The following BTD variants were observed in gnomAD, a reference collection of about 807,000 sequenced individuals.
BTD encodes the protein biocytinase.
In BTD, 13 loss-of-function variants were observed where a neutral mutation model predicts 17.7. The ratio of observed to expected loss-of-function variants is 0.74; its 90% confidence interval spans 0.48 to 1.17. The LOEUF is 1.17. Ranked by LOEUF, BTD falls within the 50% of genes most tolerant of loss-of-function variation. The pLI is 0.00. For missense variants in BTD, 674 were observed against 650.4 expected (o/e 1.04, Z -0.39); for synonymous variants, 240 against 245.2 (o/e 0.98, Z 0.20).
chr3:15,685,314 G>A, intron 3 of BTD: 2 of 1,613,966 alleles, frequency 1.2e-6, no homozygotes, highest in East Asian at 2.2e-5. Flanking sequence ...ACTGCAAAAG[G>A]GCTCCAAGAA....
chr3:15,706,173 G>A (rs1247375723), intron 3 of BTD, among the ~76,000 whole-genome samples: 1 of 151,752 alleles, frequency 6.6e-6, no homozygotes, highest in Non-Finnish European at 1.5e-5. Flanking sequence ...CATGTGCCAC[G>A]TTGGTGTGCT....
chr3:15,662,234 C>A (rs992462904), intron 3 of BTD, among the ~76,000 whole-genome samples: 1 of 152,176 alleles, frequency 6.6e-6, no homozygotes, highest in Non-Finnish European at 1.5e-5. Flanking sequence ...TAAAAATAGT[C>A]TTTTTATTCA....
downstream of BTD, among the ~76,000 whole-genome samples, chr3:15,716,219 T>C (rs2073013015): frequency 6.6e-6 from 1 of 151,486 alleles, no homozygotes; most frequent in East Asian, 1.9e-4. Flanking sequence ...AGACCTCAAG[T>C]AATCCACCCG....
chr3:15,660,640 T>C (rs890372146), intron 3 of BTD, among the ~76,000 whole-genome samples: 1 of 152,252 alleles, frequency 6.6e-6, no homozygotes, highest in Admixed American at 6.5e-5. Context: ...CTCATATTCA[T>C]AGTTATAGAT....
At chr3:15,657,111 T>C (rs1212041969), downstream of BTD, among the ~76,000 whole-genome samples, 1 of 152,208 alleles carries the variant, frequency 6.6e-6, no homozygotes, top group Non-Finnish European at 1.5e-5. Flanking sequence ...TAACAAGACA[T>C]CTCAGGTTTC....
At chr3:15,691,089 A>G (rs541548288) in intron 3 of BTD, among the ~76,000 whole-genome samples, 2 of 152,158 alleles carry the variant, frequency 1.3e-5, no homozygotes, top group Non-Finnish European at 2.9e-5. Flanking sequence ...CTAGCTGTAC[A>G]AAAGTAAGAC....
intron 1 of BTD, among the ~76,000 whole-genome samples, chr3:15,604,503 G>T (rs1028790993): frequency 9.9e-5 from 15 of 152,204 alleles, no homozygotes; most frequent in African/African-American, 3.4e-4. Context: ...TGTTGTGAAG[G>T]TCTCTGACAT....
intron 2 of BTD, among the ~76,000 whole-genome samples, chr3:15,639,634 C>T (rs1411878376): frequency 6.6e-6 from 1 of 152,168 alleles, no homozygotes; most frequent in Non-Finnish European, 1.5e-5. Flanking sequence ...GCCTATTAAA[C>T]AGTACCCTAG....
At chr3:15,612,910 A>G (rs1404583757) in intron 1 of BTD, among the ~76,000 whole-genome samples, 2 of 152,106 alleles carry the variant, frequency 1.3e-5, no homozygotes, top group Non-Finnish European at 2.9e-5. Context: ...TTTTCTTCCA[A>G]ATTCAACTGA....
At chr3:15,717,450 A>T (rs2073201326), downstream of BTD, among the ~76,000 whole-genome samples, 2 of 152,176 alleles carry the variant, frequency 1.3e-5, no homozygotes, top group Non-Finnish European at 2.9e-5. Flanking sequence ...TTTCTTTCTG[A>T]ACTGGAGAAA....
intron 1 of BTD, among the ~76,000 whole-genome samples, chr3:15,628,562 A>G (rs891899240): frequency 3.9e-5 from 6 of 152,242 alleles, no homozygotes; most frequent in African/African-American, 1.2e-4. Context: ...TTTAAAAGCA[A>G]TACCTTGCTG....
chr3:15,678,981 G>C (rs528883950), intron 3 of BTD, among the ~76,000 whole-genome samples: 18 of 152,110 alleles, frequency 1.2e-4, no homozygotes, highest in African/African-American at 3.9e-4. Flanking sequence ...AACCTTTTTG[G>C]GGGGTAGGGC....
intron 3 of BTD, chr3:15,689,798 C>T: frequency 1.0e-5 from 5 of 484,078 alleles, no homozygotes; most frequent in Non-Finnish European, 1.8e-5. Flanking sequence ...ATTTAAGTTC[C>T]CTGAACACTG....
chr3:15,659,506 C>T (rs183422902), intron 3 of BTD, among the ~76,000 whole-genome samples: 1 of 152,214 alleles, frequency 6.6e-6, no homozygotes, highest in African/African-American at 2.4e-5. Context: ...TCCAGCCACC[C>T]CTGGCTCCAT....
At chr3:15,608,854 A>G (rs1458770507) in intron 1 of BTD, among the ~76,000 whole-genome samples, 2 of 152,016 alleles carry the variant, frequency 1.3e-5, no homozygotes, top group African/African-American at 4.8e-5. Context: ...GCAAGCAGCT[A>G]TCACCCATGT....
chr3:15,637,153 C>T (rs1025066435), intron 2 of BTD, among the ~76,000 whole-genome samples: 3 of 152,148 alleles, frequency 2.0e-5, no homozygotes, highest in South Asian at 2.1e-4. Flanking sequence ...GGCATCTGTC[C>T]CCCAGGCTGT....
chr3:15,679,367 C>T, intron 3 of BTD: 4 of 1,613,960 alleles, frequency 2.5e-6, no homozygotes, highest in Non-Finnish European at 3.4e-6. Context: ...CTCAGCAGCA[C>T]CTTCGTTGTC....
At position 15,635,837 on chromosome 3, in the gene BTD, T is replaced by A; in HGVS notation, c.249+149T>A. ...CCTGAGTTGAGTTAGTCAGTTGAAT[T>A]AGGAGCCTTACCCCTCAGAGAGTGG... On this transcript the variant is annotated intron_variant, in intron 2 of 3. Transcript: ENST00000643237. The surrounding 1 kb of genome is among the most constrained non-coding windows in gnomAD (Gnocchi z 4.1). 1 of 1,146,232 alleles carries A rather than the reference T, an allele frequency of 8.7e-7. No individual in the cohort carries two copies. Among genetic ancestry groups the A allele is most frequent in the Non-Finnish European group, 1.3e-6 (1 of 788,036 alleles). The allele number at this position is 1,146,232 out of a possible 1,614,324, so 71.0% of individuals were successfully genotyped here.
intron 1 of BTD, among the ~76,000 whole-genome samples, chr3:15,604,698 A>G (rs752268680): frequency 6.6e-6 from 1 of 152,158 alleles, no homozygotes; most frequent in Non-Finnish European, 1.5e-5. Context: ...TGCCATTTAG[A>G]AATTTCTTCT....
Sources: allele counts gnomAD v4.1 joint callset (sites outside exome capture counted in the v4.1 genomes callset), GRCh38; gene constraint gnomAD v4.1.1; non-coding constraint Gnocchi (gnomAD v3.1); transcripts MANE v1.5; gene names NCBI Gene and HGNC (gene_info 2026-07-23, HGNC 2026-07-21).